The following KIAA0319L variants were observed in gnomAD, a reference collection of about 807,000 sequenced individuals.
The protein encoded by KIAA0319L is dyslexia-associated protein KIAA0319-like protein.
Under a neutral mutation model 120.1 loss-of-function variants are expected in KIAA0319L, and 55 were observed. That is an observed-to-expected ratio of 0.46 (90% CI 0.37 to 0.57). The LOEUF is 0.57. Among genes scored for constraint, KIAA0319L ranks in the 20% least tolerant of loss-of-function variants. The probability of loss-of-function intolerance (pLI) is 0.00; values close to 1 mark genes in which losing one functional copy is unlikely to be tolerated. For missense variants in KIAA0319L, 1,049 were observed against 1,255.3 expected (o/e 0.84, Z 2.48); for synonymous variants, 398 against 471.9 (o/e 0.84, Z 2.03).
At chr1:35,528,003 G>A (rs984856299) in intron 2 of KIAA0319L, among the ~76,000 whole-genome samples, 4 of 151,938 alleles carry the variant, frequency 2.6e-5, no homozygotes, top group Non-Finnish European at 4.4e-5. Flanking sequence ...TGATGTAGGT[G>A]TTTATTGCTC....
At chr1:35,474,141 G>C (rs529524117) in intron 5 of KIAA0319L, among the ~76,000 whole-genome samples, 49 of 152,196 alleles carry the variant, frequency 3.2e-4, no homozygotes, top group Middle Eastern at 6.8e-3. Context: ...CCTTACAACG[G>C]TCCTGTGAGG....
At chr1:35,441,406 C>T (rs1015484057) in intron 19 of KIAA0319L, among the ~76,000 whole-genome samples, 1 of 152,114 alleles carries the variant, frequency 6.6e-6, no homozygotes, top group Non-Finnish European at 1.5e-5. Flanking sequence ...TGGTTAAAAA[C>T]GTAAAGAAAA....
At chr1:35,542,131 G>T (rs1182036682) in intron 2 of KIAA0319L, among the ~76,000 whole-genome samples, 2 of 152,212 alleles carry the variant, frequency 1.3e-5, no homozygotes, top group Non-Finnish European at 2.9e-5. Flanking sequence ...CTGGCGGTTA[G>T]ACAAGAATTT....
intron 8 of KIAA0319L, among the ~76,000 whole-genome samples, chr1:35,462,160 G>A (rs114725049): frequency 6.6e-6 from 1 of 152,168 alleles, no homozygotes; most frequent in African/African-American, 2.4e-5. Flanking sequence ...AGGGTGTGGA[G>A]TGCATTCTGT....
chr1:35,489,687 G>A (rs1187535810), intron 3 of KIAA0319L, among the ~76,000 whole-genome samples: 2 of 148,794 alleles, frequency 1.3e-5, no homozygotes, highest in African/African-American at 5.0e-5. Flanking sequence ...TTTTTTTTGA[G>A]ATGGAGTCTC....
intron 5 of KIAA0319L, 124 bp from the exon 6 acceptor site, chr1:35,471,084 C>A: frequency 1.5e-6 from 1 of 677,816 alleles, no homozygotes; most frequent in Non-Finnish European, 2.7e-6. Flanking sequence ...AAGATTTCAC[C>A]CCAAAGCCTG....
chr1:35,553,556 T>G (rs994229537), intron 2 of KIAA0319L, among the ~76,000 whole-genome samples: 28 of 152,192 alleles, frequency 1.8e-4, no homozygotes, highest in Admixed American at 1.8e-3. Flanking sequence ...TTTGTAATTA[T>G]AAGGGAAAAA....
rs905802098 is a variant in KIAA0319L, at chr1:35,442,328, C to T, written c.2788G>A (p.Val930Met). 9 of 1,613,106 alleles carry T rather than the reference C, an allele frequency of 5.6e-6. No homozygotes were observed. Among genetic ancestry groups the T allele is most frequent in the African/African-American group, 1.3e-5 (1 of 75,006 alleles). ...AAGGTAGCAATGATAACATATAACA[C>T]GCTCCACTCTGCCAAGAAAATCAAA... is the stretch of plus-strand genomic sequence containing the variant. ...RDGDSNCEWSVLYVIIATFVI... is the reference protein window; with the variant it reads ...RDGDSNCEWSMLYVIIATFVI... Residue 930 changes from valine to methionine, a missense_variant, in exon 19 of 21, where the codon GTG (valine) becomes ATG (methionine). Physicochemically the swap from Val to Met is conservative, Grantham distance 21. Transcript: ENST00000325722.
At chr1:35,444,615 T>C (rs1223141290) in intron 16 of KIAA0319L, among the ~76,000 whole-genome samples, 1 of 152,144 alleles carries the variant, frequency 6.6e-6, no homozygotes, top group Non-Finnish European at 1.5e-5. Context: ...CTGCCCCAGC[T>C]AACAAAAGAA....
At chr1:35,554,770 T>TA in intron 1 of KIAA0319L, 1 of 237,032 alleles carries the variant, frequency 4.2e-6, no homozygotes, top group Non-Finnish European at 8.1e-6. Flanking sequence ...TTTTTTTTTT[T>TA]AATCTAACAG....
At chr1:35,503,364 A>G (rs1397168366) in intron 3 of KIAA0319L, among the ~76,000 whole-genome samples, 2 of 152,206 alleles carry the variant, frequency 1.3e-5, no homozygotes, top group Non-Finnish European at 2.9e-5. Flanking sequence ...CCTATAAGGC[A>G]GTGGTTCTGG....
At chr1:35,454,531 C>T (rs751971772) in intron 10 of KIAA0319L, 46 bp from the exon 11 acceptor site, 4 of 1,606,504 alleles carry the variant, frequency 2.5e-6, no homozygotes, top group Non-Finnish European at 3.4e-6. Context: ...CCAGGAATCA[C>T]ATCACACAAT....
At chr1:35,487,755 T>C (rs1281972884) in intron 3 of KIAA0319L, among the ~76,000 whole-genome samples, 1 of 152,234 alleles carries the variant, frequency 6.6e-6, no homozygotes, top group African/African-American at 2.4e-5. Context: ...GGAGAATGCA[T>C]TCAATTTTAA....
At chr1:35,526,431 G>GTATA (rs71571802) in intron 2 of KIAA0319L, among the ~76,000 whole-genome samples, 49 of 125,580 alleles carry the variant, frequency 3.9e-4, no homozygotes, top group South Asian at 2.6e-3. Flanking sequence ...ATATATATAT[G>GTATA]TATATATATA....
chr1:35,468,475 TCCCTTTC>T (rs1299373688), intron 6 of KIAA0319L, among the ~76,000 whole-genome samples: 1 of 152,148 alleles, frequency 6.6e-6, no homozygotes. Flanking sequence ...TGACCTCCAG[TCCCTTTC>T]CCCCAGCTAC....
chr1:35,485,670 T>C (rs1052986032), intron 3 of KIAA0319L, among the ~76,000 whole-genome samples: 1 of 152,224 alleles, frequency 6.6e-6, no homozygotes, highest in African/African-American at 2.4e-5. Flanking sequence ...AACCTTCAGC[T>C]AGCAAAGCTG....
chr1:35,504,438 C>T (rs1299170975), intron 3 of KIAA0319L, among the ~76,000 whole-genome samples: 2 of 152,152 alleles, frequency 1.3e-5, no homozygotes, highest in Non-Finnish European at 2.9e-5. Flanking sequence ...CCTTGTGATC[C>T]GCCCGCCTTG....
intron 15 of KIAA0319L, among the ~76,000 whole-genome samples, 173 bp from the exon 16 acceptor site, chr1:35,448,505 A>C (rs1341413123): frequency 6.6e-6 from 1 of 152,196 alleles, no homozygotes; most frequent in Non-Finnish European, 1.5e-5. Flanking sequence ...TGGCTTAGAA[A>C]GCTTCTAAAG....
chr1:35,542,673 A>G (rs955805805), intron 2 of KIAA0319L, among the ~76,000 whole-genome samples: 1 of 152,222 alleles, frequency 6.6e-6, no homozygotes, highest in Non-Finnish European at 1.5e-5. Context: ...AAAAAATAAA[A>G]AAGTGTCCAA....
Sources: gnomAD v4.1 joint callset for allele counts (sites outside exome capture counted in the v4.1 genomes callset) on GRCh38, gnomAD v4.1.1 for gene constraint, MANE v1.5 for transcripts, NCBI Gene and HGNC (gene_info 2026-07-23, HGNC 2026-07-21) for gene names.